The following PCDHGB5 variants were observed in gnomAD, a reference collection of about 807,000 sequenced individuals.
PCDHGB5 encodes protocadherin gamma subfamily B, 5.
In PCDHGB5, 48 loss-of-function variants were observed where a neutral mutation model predicts 62.9. The ratio of observed to expected loss-of-function variants is 0.76; its 90% CI spans 0.61 to 0.97. The LOEUF is 0.97. Ranked by LOEUF, PCDHGB5 falls within the 50% of genes least tolerant of loss-of-function variation. The pLI is 0.00. For synonymous variants in PCDHGB5, 474 were observed against 511.2 expected (o/e 0.93, Z 0.98); for missense variants, 1,118 against 1,198.6 (o/e 0.93, Z 0.99).
rs537985555 is a variant in PCDHGB5 at position 141,449,278 on chromosome 5, C to A, written c.2398-45529C>A. On this transcript the variant is annotated intron_variant, in intron 1 of 3. Coordinates refer to ENST00000617380, the MANE Select transcript of PCDHGB5 (RefSeq NM_018925.3). ...TGTACAAAGAACTGTATCTCCTTCA[C>A]CCGGATGCACCGGGTGAATTATATG... Among the ~76,000 whole-genome samples the A allele has an allele frequency of 4.6e-5, 7 of 152,166 alleles. No homozygotes were observed. In the South Asian group the frequency reaches 1.5e-3, roughly 32 times the overall value.
chr5:141,420,036 G>C, intron 1 of PCDHGB5: 1 of 1,614,078 alleles, frequency 6.2e-7, no homozygotes. Context: ...GCAGGAGACT[G>C]CTTTGAGTCA....
intron 1 of PCDHGB5, chr5:141,478,910 A>C (rs568573298): frequency 1.1e-6 from 1 of 893,688 alleles, no homozygotes; most frequent in Non-Finnish European, 1.6e-6. Context: ...AAGCTGCTGG[A>C]TACCTCTAAC....
intron 1 of PCDHGB5, chr5:141,412,667 AC>A (rs1385712050): frequency 6.6e-6 from 1 of 152,284 alleles, no homozygotes; most frequent in Non-Finnish European, 1.5e-5. Flanking sequence ...CACTAATATG[AC>A]CTAAAATAAG....
intron 1 of PCDHGB5, chr5:141,413,382 CAT>C (rs752944261): frequency 2.5e-6 from 4 of 1,613,998 alleles, no homozygotes; most frequent in Non-Finnish European, 3.4e-6. Flanking sequence ...GCGGAGTCCG[CAT>C]AGTCTCCAGA....
chr5:141,440,980 C>T (rs972732898), intron 1 of PCDHGB5: 1 of 152,242 alleles, frequency 6.6e-6, no homozygotes. Context: ...GCTTCACAAC[C>T]CAGAGTACCC....
At position 141,432,156 on chromosome 5, in the gene PCDHGB5, C is replaced by A; in HGVS notation, c.2397+31632C>A. On this transcript the variant is annotated intron_variant, in intron 1 of 3. Transcript: ENST00000617380. This position sits in a 1 kb window ranked among gnomAD's most constrained non-coding sequence, Gnocchi z 6.0. Reference sequence around the variant, plus strand: ...TCCGCTTATATCCCAGAGAACAATCCCAGAGGAGTTTCCCTCGTCTCTGTG... The same window carrying A: ...TCCGCTTATATCCCAGAGAACAATCACAGAGGAGTTTCCCTCGTCTCTGTG... The A allele has an allele frequency of 6.2e-7, 1 of 1,614,142 alleles. No homozygotes were observed. Among genetic ancestry groups the A allele is most frequent in the East Asian group, 2.2e-5 (1 of 44,874 alleles).
intron 1 of PCDHGB5, among the ~76,000 whole-genome samples, chr5:141,445,417 A>C (rs1483224509): frequency 6.6e-6 from 1 of 152,208 alleles, no homozygotes; most frequent in Non-Finnish European, 1.5e-5. Context: ...ACTGTCTGCT[A>C]TATGCAAGGC....
At chr5:141,441,930 G>T in intron 1 of PCDHGB5, 1 of 347,232 alleles carries the variant, frequency 2.9e-6, no homozygotes, top group Non-Finnish European at 5.5e-6. Flanking sequence ...ATGCGTGGCT[G>T]TCCTACCACG....
rs780436102 is a variant in PCDHGB5, at chr5:141,431,846, G to A, written c.2397+31322G>A. 1 of 1,614,274 alleles carries A rather than the reference G, an allele frequency of 6.2e-7. No individual in the cohort carries two copies. Among genetic ancestry groups the A allele is most frequent in the South Asian group, 1.1e-5 (1 of 91,088 alleles). On this transcript the variant is annotated intron_variant, in intron 1 of 3. Coordinates refer to ENST00000617380, the MANE Select transcript of PCDHGB5 (RefSeq NM_018925.3). The surrounding 1 kb of genome is among the most constrained non-coding windows in gnomAD (Gnocchi z 4.8). ...CTCGGTTCCCGAAAACTCTCCCAGA[G>A]GGACATTAATTGCCCTTTTAAATGT...
rs1562150111 is a variant in PCDHGB5, at chr5:141,491,805, T to G, written c.2398-3002T>G. 1 of 1,495,892 alleles carries G rather than the reference T, an allele frequency of 6.7e-7. No homozygotes were observed. 92.7% of individuals were successfully genotyped at this position (1,495,892 alleles called of 1,614,324 possible). A position where few individuals can be genotyped will look rare whatever the true frequency, so the allele number is the denominator to read the frequency against. On this transcript the variant is annotated intron_variant, in intron 1 of 3. Coordinates refer to ENST00000617380, the MANE Select transcript of PCDHGB5 (RefSeq NM_018925.3). This position sits in a 1 kb window ranked among gnomAD's most constrained non-coding sequence, Gnocchi z 6.9. ...TGCATCCACTCCTCTCCGGCCGGCT[T>G]GGTCGCTGGCTGCGCTCCACCCGAT... is the stretch of plus-strand genomic sequence containing the variant.
rs2096175268 is a variant in PCDHGB5, at chr5:141,417,870, G to A, written c.2397+17346G>A. On this transcript the variant is annotated intron_variant, in intron 1 of 3. Transcript: ENST00000617380. ...GAACCCGAGCGAACGATGGGAGGGA[G>A]CTGCGCGCAGAGGCGCCGGGCCGGC... 3 of 1,553,910 alleles carry A rather than the reference G, an allele frequency of 1.9e-6. No homozygotes were observed. Among genetic ancestry groups the A allele is most frequent in the Admixed American group, 2.0e-5 (1 of 51,084 alleles).
chr5:141,403,671 C>T (rs1322750068), intron 1 of PCDHGB5: 3 of 1,613,786 alleles, frequency 1.9e-6, no homozygotes, highest in African/African-American at 1.3e-5. Flanking sequence ...GATAATGCCC[C>T]GGTTTTTGCT....
chr5:141,451,676 G>C (rs1363843426), intron 1 of PCDHGB5, among the ~76,000 whole-genome samples: 1 of 152,142 alleles, frequency 6.6e-6, no homozygotes, highest in African/African-American at 2.4e-5. Context: ...GAGCCCAGGA[G>C]TTCAAGACCA....
intron 1 of PCDHGB5, among the ~76,000 whole-genome samples, chr5:141,435,760 T>TTGGTGAATTC (rs2097778609): frequency 1.3e-5 from 2 of 152,172 alleles, no homozygotes; most frequent in African/African-American, 4.8e-5. Context: ...TTGATTTCTT[T>TTGGTGAATTC]TGGTGAATTC....
chr5:141,432,435 C>T lies in PCDHGB5; in HGVS notation c.2397+31911C>T. 1 of 1,614,212 alleles carries T rather than the reference C, an allele frequency of 6.2e-7. No homozygotes were observed. Among genetic ancestry groups the T allele is most frequent in the Non-Finnish European group, 8.5e-7 (1 of 1,180,038 alleles). The stretch of plus-strand genomic sequence containing the variant: ...TTCGTGCTGGACCAGAACGACAATG[C>T]GCCCGAGATCCTGTACCCCGCCCTC... On this transcript the variant is annotated intron_variant, in intron 1 of 3. Transcript: ENST00000617380. This position sits in a 1 kb window ranked among gnomAD's most constrained non-coding sequence, Gnocchi z 6.0.
intron 1 of PCDHGB5, chr5:141,441,694 G>A (rs1443778772): frequency 2.3e-5 from 7 of 301,140 alleles, no homozygotes; most frequent in Non-Finnish European, 2.6e-5. Context: ...GAGCAGCCGC[G>A]AGCCTTCAAG....
chr5:141,423,226 G>A lies in PCDHGB5; in HGVS notation c.2397+22702G>A, dbSNP rs775936938. On this transcript the variant is annotated intron_variant, in intron 1 of 3. Coordinates refer to ENST00000617380, the MANE Select transcript of PCDHGB5 (RefSeq NM_018925.3). The stretch of plus-strand genomic sequence containing the variant: ...CGTCACGCTCACCGTGGCTGTGGCC[G>A]ACAGCATCCCCGAAGTCCTGGCGGA... The A allele has an allele frequency of 2.2e-5, 36 of 1,613,708 alleles. No homozygotes were observed. The highest frequency in any genetic ancestry group is 2.6e-5 in the Non-Finnish European group (31 of 1,180,034).
rs768206517 is a variant in PCDHGB5, at chr5:141,432,482, G to A, written c.2397+31958G>A. 10 of 1,614,060 alleles carry A rather than the reference G, an allele frequency of 6.2e-6. No homozygotes were observed. The highest frequency in any genetic ancestry group is 1.3e-5 in the African/African-American group (1 of 74,946). On this transcript the variant is annotated intron_variant, in intron 1 of 3. Coordinates refer to ENST00000617380, the MANE Select transcript of PCDHGB5 (RefSeq NM_018925.3). The surrounding 1 kb of genome is among the most constrained non-coding windows in gnomAD (Gnocchi z 6.0). ...CCTCCCCACGGACGGTTCCACTGGC[G>A]TGGAGCTGGCTCCCCGCTCCGCAGA...
Position 141,398,804 on chromosome 5 carries a change from C to G in PCDHGB5, c.677C>G (p.Thr226Ser), listed in dbSNP as rs1283760076. 9 of 1,613,894 alleles carry G rather than the reference C, an allele frequency of 5.6e-6. No homozygotes were observed. In the South Asian group the frequency reaches 8.8e-5, roughly 16 times the overall value. The change falls in exon 1 of 4, where the codon ACT becomes AGT. Residue 226 changes from threonine (T) to serine (S), a missense_variant. By Grantham distance (58) the Thr-to-Ser change is moderately conservative (BLOSUM62 1). Around this residue, in one of 2 missense-constraint regions of PCDHGB5, gnomAD observed 1,034 missense variants for 1,029.1 expected, o/e 1.00. Coordinates refer to ENST00000617380, the MANE Select transcript of PCDHGB5 (RefSeq NM_018925.3). ...DGGHPPLSGT[T>S]ELRIQVTDAN... ...GGACATCCACCCCTAAGCGGCACCA[C>G]TGAGCTCCGGATCCAGGTAACCGAC... is the stretch of plus-strand genomic sequence containing the variant.
Sources: gnomAD v4.1 joint callset for allele counts (sites outside exome capture counted in the v4.1 genomes callset) on GRCh38, gnomAD v4.1.1 for gene constraint, gnomAD v4.1.1 regional missense constraint, Gnocchi (gnomAD v3.1) non-coding constraint, MANE v1.5 for transcripts, NCBI Gene and HGNC (gene_info 2026-07-23, HGNC 2026-07-21) for gene names.